Variants in CNTN4 observed in about 807,000 individuals in gnomAD.
The protein encoded by CNTN4 is contactin 4, also known as contactin-4.
CNTN4 carries 77 observed loss-of-function variants against 122.5 expected under a neutral mutation model. The ratio of observed to expected loss-of-function variants is 0.63; its 90% CI spans 0.52 to 0.76. The LOEUF is 0.76. CNTN4 is among the 30% of genes least tolerant of loss of function. CNTN4 has a pLI of 0.00. For missense variants in CNTN4, 1,256 were observed against 1,259.1 expected (o/e 1.00, Z 0.04); for synonymous variants, 512 against 447.0 (o/e 1.15, Z -1.83).
At chr3:2,307,867 A>C (rs1306776830) in intron 2 of CNTN4, among the ~76,000 whole-genome samples, 1 of 152,116 alleles carries the variant, frequency 6.6e-6, no homozygotes, top group East Asian at 1.9e-4. Flanking sequence ...CTATCTTCAT[A>C]AGGAGTATTA....
chr3:2,759,608 A>G (rs1292486306), intron 6 of CNTN4, among the ~76,000 whole-genome samples: 2 of 151,670 alleles, frequency 1.3e-5, no homozygotes, highest in Admixed American at 1.3e-4. Context: ...TTTTGCGGAC[A>G]CATGTATTTT....
rs2036195013 is a variant in CNTN4, at chr3:2,166,370, C to T, written c.-145+65731C>T. The stretch of plus-strand genomic sequence containing the variant: ...AAAGATAACAAGCAAGGGAATTCTG[C>T]CAAGGAGACTTTAAATGCTGATTCC... On this transcript the variant is annotated intron_variant, in intron 2 of 24. Transcript: ENST00000418658. Among the ~76,000 whole-genome samples, 3 of 151,784 alleles carry T rather than the reference C, an allele frequency of 2.0e-5. No individual in the cohort carries two copies. The South Asian group carries it at 6.2e-4, about 32-fold the overall frequency.
At chr3:2,786,363 C>T (rs1406594353) in intron 6 of CNTN4, among the ~76,000 whole-genome samples, 1 of 152,158 alleles carries the variant, frequency 6.6e-6, no homozygotes, top group Non-Finnish European at 1.5e-5. Flanking sequence ...CACAGGCAAC[C>T]CCTAGATGCT....
intron 15 of CNTN4, among the ~76,000 whole-genome samples, chr3:3,027,974 G>A (rs899349306): frequency 1.3e-5 from 2 of 152,144 alleles, no homozygotes; most frequent in Non-Finnish European, 1.5e-5. Flanking sequence ...CTTCTGCTGA[G>A]AAATACATAG....
chr3:3,005,759 C>T (rs1696549939), intron 14 of CNTN4, among the ~76,000 whole-genome samples: 2 of 151,940 alleles, frequency 1.3e-5, no homozygotes, highest in African/African-American at 4.8e-5. Flanking sequence ...ACCCTCATGA[C>T]CTAATTATTT....
chr3:2,705,791 T>C (rs1309273290), intron 4 of CNTN4, among the ~76,000 whole-genome samples: 1 of 104,828 alleles, frequency 9.5e-6, no homozygotes, highest in Non-Finnish European at 1.7e-5. Flanking sequence ...ATACATAATA[T>C]ATATTTGTTA....
At chr3:2,392,195 C>G (rs539964792) in intron 3 of CNTN4, among the ~76,000 whole-genome samples, 2 of 152,306 alleles carry the variant, frequency 1.3e-5, no homozygotes, top group African/African-American at 4.8e-5. Context: ...AAGTTAGTGT[C>G]AAGAAAGCAA....
At chr3:2,449,747 G>T (rs2048756674) in intron 3 of CNTN4, among the ~76,000 whole-genome samples, 1 of 152,096 alleles carries the variant, frequency 6.6e-6, no homozygotes, top group African/African-American at 2.4e-5. Flanking sequence ...TTTATGCAAT[G>T]GAATATCGTT....
chr3:2,900,877 C>T, intron 11 of CNTN4, 56 bp downstream of exon 11: 1 of 1,594,076 alleles, frequency 6.3e-7, no homozygotes, highest in Non-Finnish European at 8.6e-7. Context: ...TTAATATAGC[C>T]TCATTGCCGT....
chr3:2,638,631 T>A (rs2082769566), intron 4 of CNTN4, among the ~76,000 whole-genome samples: 1 of 152,194 alleles, frequency 6.6e-6, no homozygotes, highest in Non-Finnish European at 1.5e-5. Flanking sequence ...TTTCTTTATA[T>A]GAAAACTAAT....
intron 2 of CNTN4, among the ~76,000 whole-genome samples, chr3:2,175,961 C>T (rs1003719988): frequency 2.6e-5 from 4 of 152,152 alleles, no homozygotes; most frequent in Admixed American, 6.5e-5. Flanking sequence ...TAAGTTAAAT[C>T]TCATGAACTC....
chr3:2,531,371 C>G (rs1002834373), intron 3 of CNTN4, among the ~76,000 whole-genome samples: 1 of 152,116 alleles, frequency 6.6e-6, no homozygotes, highest in Non-Finnish European at 1.5e-5. Flanking sequence ...AGTCAGGACT[C>G]TATAATTAGC....
intron 3 of CNTN4, among the ~76,000 whole-genome samples, chr3:2,482,422 GA>G (rs2076031163): frequency 6.6e-6 from 1 of 151,288 alleles, no homozygotes; most frequent in African/African-American, 2.4e-5. Context: ...GCAGCCTGAT[GA>G]TGTGATAGAA....
chr3:2,209,669 C>T (rs1234964922), intron 2 of CNTN4, among the ~76,000 whole-genome samples: 1 of 147,688 alleles, frequency 6.8e-6, no homozygotes, highest in Non-Finnish European at 1.5e-5. Flanking sequence ...GAGATTTTGA[C>T]TTTATGTTTT....
At chr3:2,808,122 G>A (rs1394922170) in intron 6 of CNTN4, among the ~76,000 whole-genome samples, 1 of 152,182 alleles carries the variant, frequency 6.6e-6, no homozygotes, top group East Asian at 1.9e-4. Flanking sequence ...AGTTTGAGAT[G>A]AAGAGATTTC....
chr3:2,362,672 G>A, intron 3 of CNTN4: 1 of 393,598 alleles, frequency 2.5e-6, no homozygotes, highest in Non-Finnish European at 4.9e-6. Flanking sequence ...ATGAGAAGCT[G>A]GGTGAACAAT....
At chr3:2,956,479 A>T (rs344411) in intron 13 of CNTN4, among the ~76,000 whole-genome samples, 114,958 of 151,842 alleles carry the variant, frequency 0.76, 43,773 homozygotes, top group South Asian at 0.83. Flanking sequence ...AAAAGATATA[A>T]AAAATGGAAA....
intron 2 of CNTN4, among the ~76,000 whole-genome samples, chr3:2,125,562 C>CTTTTTTTTTTT (rs201659840): frequency 8.1e-6 from 1 of 124,012 alleles, no homozygotes. Flanking sequence ...TTTTCTTTTT[C>CTTTTTTTTTTT]TTTTTTTTTT....
At chr3:2,307,262 C>A (rs567235950) in intron 2 of CNTN4, among the ~76,000 whole-genome samples, 2 of 152,048 alleles carry the variant, frequency 1.3e-5, no homozygotes, top group African/African-American at 4.8e-5. Flanking sequence ...GGTGAAACCC[C>A]GTCTCTACTA....
Sources: gnomAD v4.1 joint callset for allele counts (sites outside exome capture counted in the v4.1 genomes callset) on GRCh38, gnomAD v4.1.1 for gene constraint, MANE v1.5 for transcripts, NCBI Gene and HGNC (gene_info 2026-07-23, HGNC 2026-07-21) for gene names.